MRPL48: variants seen among roughly 807,000 people sequenced by gnomAD.
MRPL48 encodes the protein mitochondrial ribosomal protein L48.
Under a neutral mutation model 32.9 loss-of-function variants are expected in MRPL48, and 16 were observed. The ratio of observed to expected loss-of-function variants is 0.49; its 90% CI spans 0.33 to 0.74. MRPL48 has a LOEUF of 0.74. Among genes scored for constraint, MRPL48 ranks in the 30% least tolerant of loss-of-function variants. The pLI, the probability that MRPL48 is intolerant of heterozygous loss-of-function variation, is 0.02. For synonymous variants in MRPL48, 94 were observed against 89.2 expected (o/e 1.05, Z -0.31); for missense variants, 206 against 245.3 (o/e 0.84, Z 1.07).
chr11:73,826,406 C>G (rs1947890258), intron 4 of MRPL48, among the ~76,000 whole-genome samples: 1 of 152,080 alleles, frequency 6.6e-6, no homozygotes, highest in Admixed American at 6.5e-5. Context: ...AATGATAATT[C>G]AGTTTAGTTG....
chr11:73,860,175 A>G (rs1392499863), intron 6 of MRPL48, 166 bp downstream of exon 6: 19 of 552,272 alleles, frequency 3.4e-5, no homozygotes, highest in African/African-American at 3.2e-4. Context: ...CCTTCCCCCT[A>G]TGCAGTCTCA....
intron 5 of MRPL48, among the ~76,000 whole-genome samples, chr11:73,859,520 A>T (rs1948545996): frequency 6.6e-6 from 1 of 152,160 alleles, no homozygotes. Context: ...AGCTCAAGCC[A>T]TCCAGCTGCC....
intron 6 of MRPL48, among the ~76,000 whole-genome samples, chr11:73,862,174 A>G (rs78541242): frequency 0.062 from 9,400 of 152,146 alleles, 320 homozygotes; most frequent in Middle Eastern, 0.11. Flanking sequence ...TGTAATCCCA[A>G]CATTTTGGGA....
chr11:73,817,649 G>T (rs1947701043), intron 3 of MRPL48, among the ~76,000 whole-genome samples: 1 of 152,088 alleles, frequency 6.6e-6, no homozygotes, highest in African/African-American at 2.4e-5. Context: ...CTTTGCCCAT[G>T]TTTCAACTGT....
At chr11:73,818,672 C>T (rs1046667650) in intron 3 of MRPL48, among the ~76,000 whole-genome samples, 4 of 152,226 alleles carry the variant, frequency 2.6e-5, no homozygotes, top group African/African-American at 9.6e-5. Context: ...TAATTAGCTT[C>T]TTCGCTGGGG....
At chr11:73,789,700 T>A (rs1262213882) in intron 1 of MRPL48, among the ~76,000 whole-genome samples, 2 of 152,230 alleles carry the variant, frequency 1.3e-5, no homozygotes, top group Non-Finnish European at 2.9e-5. Context: ...TTGTAAGGAA[T>A]GAAGGATGAT....
At chr11:73,798,566 G>T (rs1156845976) in intron 1 of MRPL48, among the ~76,000 whole-genome samples, 1 of 152,138 alleles carries the variant, frequency 6.6e-6, no homozygotes, top group Admixed American at 6.6e-5. Flanking sequence ...GATGGGTTTG[G>T]GCTTTCTATG....
chr11:73,827,665 C>T (rs1024124542), intron 4 of MRPL48, among the ~76,000 whole-genome samples: 12 of 152,130 alleles, frequency 7.9e-5, no homozygotes, highest in African/African-American at 2.2e-4. Context: ...AATGCTCCCA[C>T]GCAACCACAC....
chr11:73,829,504 A>G (rs533132785), intron 4 of MRPL48, among the ~76,000 whole-genome samples: 18 of 151,690 alleles, frequency 1.2e-4, no homozygotes, highest in African/African-American at 3.1e-4. Context: ...AGCTGGGACT[A>G]CTTGGTGGCA....
intron 4 of MRPL48, 38 bp from the exon 5 acceptor site, chr11:73,844,769 A>C: frequency 6.3e-7 from 1 of 1,578,730 alleles, no homozygotes. Context: ...TTTCTTGTAT[A>C]ATACTTTATT....
intron 1 of MRPL48, among the ~76,000 whole-genome samples, chr11:73,797,658 C>T (rs527823265): frequency 3.2e-4 from 49 of 152,374 alleles, no homozygotes; most frequent in African/African-American, 1.2e-3. Flanking sequence ...TGACTGTGCA[C>T]ATTGGCCAGA....
rs887151131 is a variant in MRPL48, at chr11:73,792,322, G to A, written c.21+4330G>A. Among the ~76,000 whole-genome samples the A allele has an allele frequency of 3.3e-5, 5 of 152,134 alleles. No individual in the cohort carries two copies. In the South Asian group the frequency reaches 8.3e-4, roughly 25 times the overall value. ...AATGGCTCTGGAGTGTCATGCTCAG[G>A]TCTAGATGCCACTCACTCTGAGATA... On this transcript the variant is annotated intron_variant, in intron 1 of 7. Coordinates refer to ENST00000310614, the MANE Select transcript of MRPL48 (RefSeq NM_016055.6).
chr11:73,801,798 A>G (rs1343768966), intron 1 of MRPL48, among the ~76,000 whole-genome samples: 1 of 152,192 alleles, frequency 6.6e-6, no homozygotes, highest in African/African-American at 2.4e-5. Context: ...TATCTTGTAA[A>G]GGTATTATGA....
At chr11:73,836,663 G>A (rs1455550512) in intron 4 of MRPL48, among the ~76,000 whole-genome samples, 1 of 152,212 alleles carries the variant, frequency 6.6e-6, no homozygotes, top group African/African-American at 2.4e-5. Context: ...CTCAGAGAAA[G>A]ATTAAATGAT....
At chr11:73,852,301 C>T (rs1299452863) in intron 5 of MRPL48, among the ~76,000 whole-genome samples, 1 of 147,924 alleles carries the variant, frequency 6.8e-6, no homozygotes, top group Non-Finnish European at 1.5e-5. Context: ...AGTACAAGCT[C>T]TGCCCACAGA....
At chr11:73,811,542 G>C (rs540011184) in intron 3 of MRPL48, among the ~76,000 whole-genome samples, 3 of 152,194 alleles carry the variant, frequency 2.0e-5, no homozygotes, top group African/African-American at 7.2e-5. Flanking sequence ...AATAAACCCA[G>C]AATTGGCAAC....
chr11:73,803,230 C>T (rs1156553489), intron 1 of MRPL48, among the ~76,000 whole-genome samples: 12 of 151,658 alleles, frequency 7.9e-5, no homozygotes, highest in African/African-American at 2.9e-4. Flanking sequence ...CAGGTTCAAG[C>T]GATTCTCCTG....
chr11:73,794,255 ATAAAAT>A (rs1340191566), intron 1 of MRPL48, among the ~76,000 whole-genome samples: 1 of 151,384 alleles, frequency 6.6e-6, no homozygotes, highest in African/African-American at 2.4e-5. Flanking sequence ...GAATAAATAA[ATAAAAT>A]TAAATAAATC....
chr11:73,845,261 A>G (rs1948268389), intron 5 of MRPL48: 2 of 253,636 alleles, frequency 7.9e-6, no homozygotes, highest in African/African-American at 4.5e-5. Context: ...TATAAATGAA[A>G]TCACACAGTA....
Sources: gnomAD v4.1 joint callset for allele counts (sites outside exome capture counted in the v4.1 genomes callset) on GRCh38, gnomAD v4.1.1 for gene constraint, MANE v1.5 for transcripts, NCBI Gene and HGNC (gene_info 2026-07-23, HGNC 2026-07-21) for gene names.